Variants in PHF6 observed in about 807,000 individuals in gnomAD.
PHF6 encodes the protein PHD finger protein 6, also known as PHD-like zinc finger protein.
Under a neutral mutation model 34.0 loss-of-function variants are expected in PHF6, and 7 were observed. The ratio of observed to expected loss-of-function variants is 0.21; its 90% CI spans 0.12 to 0.39. The LOEUF (loss-of-function observed/expected upper bound fraction) is 0.39. Among genes scored for constraint, PHF6 ranks in the 10% least tolerant of loss-of-function variants. The pLI is 1.00. For missense variants in PHF6, 128 were observed against 262.8 expected, an observed-to-expected ratio of 0.49 and a Z score of 3.55; for synonymous variants, 89 against 88.4, an observed-to-expected ratio of 1.01 and a Z score of -0.04.
In PHF6 at chrX:134,427,783, G is replaced by A. The variant is rs956563006; in HGVS notation, c.*2123G>A. 1.3e-5 allele frequency: 2 copies of A among 159,518 alleles called. No individual in the cohort carries two copies. Among genetic ancestry groups the A allele is most frequent in the African/African-American group, 3.0e-5 (1 of 33,091 alleles). 13.1% of individuals were successfully genotyped at this position (159,518 alleles called of 1,213,427 possible). ...AAATTGAATTCACATGAAAAATCAT[G>A]TTTGGTTGTAAACCTCCAATGTTTT... On this transcript the variant is annotated 3_prime_UTR_variant, in exon 11 of 11. Transcript: ENST00000370803.
At chrX:134,419,236 G>A (rs999913341) in intron 9 of PHF6, 1 of 111,240 alleles carries the variant, frequency 9.0e-6, no homozygotes, top group South Asian at 3.8e-4. Context: ...TTGAAAGACT[G>A]TTCAGGCTGG....
At position 134,384,737 on chromosome X, in the gene PHF6, T is replaced by C. The variant is rs766542806; in HGVS notation, c.240+6631T>C. Among the ~76,000 whole-genome samples the C allele has an allele frequency of 1.3e-3, 142 of 109,946 alleles. No individual in the cohort carries two copies. In the Middle Eastern group the frequency reaches 0.028, roughly 22 times the overall value. Reference sequence around the variant, plus strand: ...CACGATCTCGGCTCACTTCAAGCTCTGCCTCCTGGGTTCACACCATTCTCC... The same window carrying C: ...CACGATCTCGGCTCACTTCAAGCTCCGCCTCCTGGGTTCACACCATTCTCC... On this transcript the variant is annotated intron_variant, in intron 3 of 10. Transcript: ENST00000370803.
chrX:134,389,367 G>A (rs779256583), intron 3 of PHF6, among the ~76,000 whole-genome samples: 7 of 111,162 alleles, frequency 6.3e-5, no homozygotes, highest in Admixed American at 2.9e-4. Context: ...ATTTTCCCAC[G>A]TTTGAGGGAG....
At chrX:134,407,873 G>A (rs1172782799) in intron 5 of PHF6, among the ~76,000 whole-genome samples, 1 of 111,495 alleles carries the variant, frequency 9.0e-6, no homozygotes, top group African/African-American at 3.3e-5. Flanking sequence ...TAGGGAGACT[G>A]AGGAGCCAAC....
chrX:134,414,150 T>C (rs1462756007), intron 7 of PHF6, among the ~76,000 whole-genome samples, 184 bp downstream of exon 7: 1 of 111,539 alleles, frequency 9.0e-6, no homozygotes, highest in Admixed American at 9.7e-5. Context: ...TCCCAAATCT[T>C]AAGTTTAGAT....
At chrX:134,404,076 T>C (rs1386061927) in intron 5 of PHF6, among the ~76,000 whole-genome samples, 7 of 109,753 alleles carry the variant, frequency 6.4e-5, no homozygotes, top group Non-Finnish European at 1.1e-4. Flanking sequence ...TCAAGTCTTA[T>C]TATTTAAGAA....
intron 9 of PHF6, among the ~76,000 whole-genome samples, chrX:134,420,858 T>C (rs1371862261): frequency 2.7e-5 from 3 of 111,431 alleles, no homozygotes; most frequent in Non-Finnish European, 5.7e-5. Flanking sequence ...CCTCCCAAAG[T>C]GCTGGGATTA....
chrX:134,418,896 G>A (rs1419256447), intron 9 of PHF6: 2 of 107,086 alleles, frequency 1.9e-5, no homozygotes, highest in African/African-American at 3.4e-5. Flanking sequence ...AGGCTGGAGT[G>A]CAGTAGTGTG....
chrX:134,377,730 A>C lies in PHF6; in HGVS notation c.113A>C (p.Lys38Thr). Residue 38 changes from lysine to threonine, a missense_variant, in exon 2 of 11, where the codon AAG becomes ACG. Coordinates refer to ENST00000370803, the MANE Select transcript of PHF6 (RefSeq NM_001015877.2). ...CGQLLISENQ[K>T]VAAHHKCMLF... ...CAGTTACTAATATCTGAAAACCAGA[A>C]GGTGGCAGCGCACCATAAGTGCATG... is the stretch of plus-strand genomic sequence containing the variant. The C allele has an allele frequency of 8.3e-7, 1 of 1,210,345 alleles. No homozygotes were observed. The highest frequency in any genetic ancestry group is 1.7e-5 in the African/African-American group (1 of 57,630).
chrX:134,417,222 C>G lies in PHF6; in HGVS notation c.888C>G (p.Ala296=), dbSNP rs751710275. ...CTACTATTGGATGTGAAATAAAAGC[C>G]TGTGTTAAGACTTACCATTACCACT... is the stretch of plus-strand genomic sequence containing the variant. The part of the protein sequence containing the change: ...PGATIGCEIK[A]CVKTYHYHCG... The change falls in exon 9 of 11, where the codon GCC becomes GCG. Residue 296 remains alanine (A), a synonymous_variant. Coordinates refer to ENST00000370803, the MANE Select transcript of PHF6 (RefSeq NM_001015877.2). 6.7e-5 allele frequency: 81 copies of G among 1,206,963 alleles called. No homozygotes were observed. The highest frequency in any genetic ancestry group is 8.6e-5 in the Non-Finnish European group (77 of 892,422).
At chrX:134,376,488 A>T (rs993948014) in intron 1 of PHF6, among the ~76,000 whole-genome samples, 2 of 112,019 alleles carry the variant, frequency 1.8e-5, no homozygotes, top group Admixed American at 9.5e-5. Context: ...TGAAGAATCC[A>T]TATTAAGATT....
intron 3 of PHF6, among the ~76,000 whole-genome samples, chrX:134,389,364 C>T (rs1227132407): frequency 1.8e-5 from 2 of 110,990 alleles, no homozygotes; most frequent in African/African-American, 6.6e-5. Context: ...TTCATTTTCC[C>T]ACGTTTGAGG....
At chrX:134,383,339 C>T (rs915743934) in intron 3 of PHF6, among the ~76,000 whole-genome samples, 1 of 111,318 alleles carries the variant, frequency 9.0e-6, no homozygotes, top group African/African-American at 3.3e-5. Context: ...ATATAACACT[C>T]TTCAGAGTTG....
intron 5 of PHF6, among the ~76,000 whole-genome samples, chrX:134,408,775 C>T (rs764946566): frequency 5.4e-5 from 6 of 111,937 alleles, no homozygotes; most frequent in Non-Finnish European, 3.8e-5. Flanking sequence ...TGCAGAGGTG[C>T]GATCTTGGCT....
At chrX:134,387,416 G>A (rs1041261487) in intron 3 of PHF6, among the ~76,000 whole-genome samples, 1 of 111,010 alleles carries the variant, frequency 9.0e-6, no homozygotes, top group African/African-American at 3.3e-5. Context: ...TTGGTGTTGG[G>A]GGCTGTCTTG....
At chrX:134,386,880 T>C (rs1288818969) in intron 3 of PHF6, among the ~76,000 whole-genome samples, 1 of 112,177 alleles carries the variant, frequency 8.9e-6, no homozygotes, top group Non-Finnish European at 1.9e-5. Context: ...GGCTGTGTTT[T>C]AATTAAACTT....
At chrX:134,393,724 C>A in intron 4 of PHF6, 90 bp downstream of exon 4, 2 of 893,087 alleles carry the variant, frequency 2.2e-6, no homozygotes, top group Admixed American at 2.7e-5. Context: ...CAAAGCATTT[C>A]ATCATCATCA....
chrX:134,393,249 C>G (rs760695620), intron 3 of PHF6, among the ~76,000 whole-genome samples: 1 of 111,776 alleles, frequency 8.9e-6, no homozygotes, highest in Non-Finnish European at 1.9e-5. Context: ...TTCAAATTTT[C>G]TCTTGACCAT....
chrX:134,383,009 G>A (rs2077314314), intron 3 of PHF6, among the ~76,000 whole-genome samples: 1 of 110,280 alleles, frequency 9.1e-6, no homozygotes, highest in African/African-American at 3.3e-5. Flanking sequence ...TTGGGAGGCC[G>A]ACTGGGAGGA....
Sources: allele counts gnomAD v4.1 joint callset (sites outside exome capture counted in the v4.1 genomes callset), GRCh38; gene constraint gnomAD v4.1.1; transcripts MANE v1.5; gene names NCBI Gene and HGNC (gene_info 2026-07-23, HGNC 2026-07-21).